TMEM132C: variants seen among roughly 807,000 people sequenced by gnomAD.
TMEM132C encodes the protein protein phosphatase 1, regulatory subunit 152.
A neutral mutation model predicts 61.4 loss-of-function variants in TMEM132C; 29 were observed. The observed-to-expected ratio is 0.47, with a 90% confidence interval of 0.35 to 0.64. The LOEUF (loss-of-function observed/expected upper bound fraction) is 0.64, where lower values mean the gene tolerates loss of function less well. TMEM132C is among the 30% of genes least tolerant of loss of function. The pLI is 0.00. For synonymous variants in TMEM132C, 656 were observed against 633.1 expected, an observed-to-expected ratio of 1.04 and a Z score of -0.54; for missense variants, 1,408 against 1,476.9, an observed-to-expected ratio of 0.95 and a Z score of 0.76.
intron 4 of TMEM132C, among the ~76,000 whole-genome samples, chr12:128,662,584 G>A (rs1273450520): frequency 1.3e-5 from 2 of 152,110 alleles, no homozygotes; most frequent in African/African-American, 4.8e-5. Context: ...AATCATGTAT[G>A]GGCTATGTCC....
intron 4 of TMEM132C, among the ~76,000 whole-genome samples, chr12:128,628,941 A>C (rs1173580191): frequency 6.6e-6 from 1 of 152,242 alleles, no homozygotes; most frequent in African/African-American, 2.4e-5. Context: ...TAATTATGTC[A>C]TCATTTGAAA....
intron 2 of TMEM132C, among the ~76,000 whole-genome samples, chr12:128,470,993 A>T (rs1870931486): frequency 6.6e-6 from 1 of 152,182 alleles, no homozygotes; most frequent in African/African-American, 2.4e-5. Context: ...GTTGCAAGAA[A>T]TCTTTGAATC....
At chr12:128,692,280 A>G (rs1404925492) in intron 5 of TMEM132C, among the ~76,000 whole-genome samples, 5 of 152,296 alleles carry the variant, frequency 3.3e-5, no homozygotes, top group South Asian at 2.1e-4. Context: ...CTATCCATCT[A>G]TCCTTCCATC....
chr12:128,466,050 A>AC (rs945747870), intron 2 of TMEM132C, among the ~76,000 whole-genome samples: 15 of 152,298 alleles, frequency 9.8e-5, no homozygotes, highest in African/African-American at 3.6e-4. Flanking sequence ...TGCCAAAAAA[A>AC]CCCATATAGA....
intron 3 of TMEM132C, among the ~76,000 whole-genome samples, chr12:128,555,712 C>CT (rs1366121376): frequency 0.028 from 3,882 of 140,386 alleles, 134 homozygotes; most frequent in African/African-American, 0.081. Context: ...TGTTGCCTAA[C>CT]TTTTTTTTTT....
In TMEM132C at chr12:128,705,926, T is replaced by C. The variant is rs773379159; in HGVS notation, c.2958T>C (p.Asp986=). Residue 986 remains aspartate (D), a synonymous_variant, in exon 9 of 9, where the codon GAT becomes GAC. Coordinates refer to ENST00000435159, the MANE Select transcript of TMEM132C (RefSeq NM_001136103.3). ...CCGAACTCCTGGAGAGCATGGGGGATGCGCCGCCGCCCCAGGACGAGCACA... is the reference window on the plus strand; with the variant it reads ...CCGAACTCCTGGAGAGCATGGGGGACGCGCCGCCGCCCCAGGACGAGCACA... The part of the protein sequence containing the change: ...NEAELLESMG[D]APPPQDEHTT... 4 of 1,551,352 alleles carry C rather than the reference T, an allele frequency of 2.6e-6. No individual in the cohort carries two copies. The East Asian group carries it at 7.3e-5, about 28-fold the overall frequency.
intron 6 of TMEM132C, among the ~76,000 whole-genome samples, chr12:128,694,377 G>A (rs1954741543): frequency 6.6e-6 from 1 of 152,150 alleles, no homozygotes; most frequent in African/African-American, 2.4e-5. Context: ...CCTTTCCTGT[G>A]CTTTATGCAT....
At chr12:128,295,062 T>C (rs896131086) in intron 1 of TMEM132C, among the ~76,000 whole-genome samples, 15 of 141,364 alleles carry the variant, frequency 1.1e-4, no homozygotes, top group African/African-American at 3.7e-4. Context: ...AATTAAAAAA[T>C]TGAGAAAGAA....
chr12:128,705,136 C>T lies in TMEM132C; in HGVS notation c.2168C>T (p.Thr723Met), dbSNP rs753837106. Residue 723 changes from threonine (T) to methionine (M), a missense_variant, in exon 9 of 9, where the codon ACG becomes ATG. Physicochemically the swap from Thr to Met is moderately conservative, Grantham distance 81. Coordinates refer to ENST00000435159, the MANE Select transcript of TMEM132C (RefSeq NM_001136103.3). Reference sequence around the variant, plus strand: ...CTGCAGTTCAGTGATGGCTCTGTGACGCCCCTGGACATCTACGACACCAAG... The same window carrying T: ...CTGCAGTTCAGTGATGGCTCTGTGATGCCCCTGGACATCTACGACACCAAG... ...TWLQFSDGSV[T>M]PLDIYDTKDF... 1.0e-4 allele frequency: 156 copies of T among 1,550,188 alleles called. No individual in the cohort carries two copies. The highest frequency in any genetic ancestry group is 3.3e-4 in the Middle Eastern group (2 of 5,990).
chr12:128,341,423 C>T (rs1872974652), intron 1 of TMEM132C, among the ~76,000 whole-genome samples: 1 of 152,160 alleles, frequency 6.6e-6, no homozygotes, highest in Non-Finnish European at 1.5e-5. Flanking sequence ...CATTGCTAAT[C>T]ATTTATCTCC....
intron 1 of TMEM132C, among the ~76,000 whole-genome samples, chr12:128,367,430 GGT>G (rs1873903390): frequency 1.3e-5 from 2 of 152,156 alleles, no homozygotes; most frequent in Admixed American, 1.3e-4. Context: ...GCTTCACCTA[GGT>G]GACAATGCTA....
chr12:128,473,586 CT>C (rs1160548232), intron 2 of TMEM132C, among the ~76,000 whole-genome samples: 6 of 144,110 alleles, frequency 4.2e-5, no homozygotes, highest in African/African-American at 8.8e-5. Context: ...CTATTTTCAT[CT>C]TCACTCCAGC....
intron 2 of TMEM132C, among the ~76,000 whole-genome samples, chr12:128,436,453 G>GA (rs1245277469): frequency 1.3e-5 from 2 of 152,050 alleles, no homozygotes; most frequent in African/African-American, 2.4e-5. Context: ...AAATTTACAA[G>GA]AAAAAATCAA....
chr12:128,478,361 G>A (rs1164259769), intron 2 of TMEM132C, among the ~76,000 whole-genome samples: 1 of 152,050 alleles, frequency 6.6e-6, no homozygotes, highest in African/African-American at 2.4e-5. Flanking sequence ...TGGCAAACTA[G>A]CAAAGGCTCA....
At chr12:128,577,053 A>G (rs1003845328) in intron 3 of TMEM132C, among the ~76,000 whole-genome samples, 3 of 151,886 alleles carry the variant, frequency 2.0e-5, no homozygotes, top group Non-Finnish European at 2.9e-5. Context: ...TCAAAAGGCA[A>G]CCCCATATCC....
At chr12:128,696,863 T>A (rs1210064836) in intron 7 of TMEM132C, among the ~76,000 whole-genome samples, 1 of 152,224 alleles carries the variant, frequency 6.6e-6, no homozygotes, top group Non-Finnish European at 1.5e-5. Flanking sequence ...TTTATAAATT[T>A]ATAATTCAAT....
intron 1 of TMEM132C, among the ~76,000 whole-genome samples, chr12:128,335,026 T>A (rs1418830031): frequency 6.6e-6 from 1 of 152,252 alleles, no homozygotes; most frequent in Non-Finnish European, 1.5e-5. Flanking sequence ...TGATTTTTTT[T>A]AAGCTGAGAG....
chr12:128,619,110 T>G (rs1876907895), intron 4 of TMEM132C, among the ~76,000 whole-genome samples: 1 of 152,218 alleles, frequency 6.6e-6, no homozygotes, highest in Admixed American at 6.5e-5. Context: ...TAAAAAAAAT[T>G]ACTGAGCACA....
At chr12:128,279,313 C>G (rs1214530466) in intron 1 of TMEM132C, among the ~76,000 whole-genome samples, 1 of 152,108 alleles carries the variant, frequency 6.6e-6, no homozygotes, top group African/African-American at 2.4e-5. Flanking sequence ...ACTGCTAATC[C>G]TCTAGAGACA....
Sources: gnomAD v4.1 joint callset for allele counts (sites outside exome capture counted in the v4.1 genomes callset) on GRCh38, gnomAD v4.1.1 for gene constraint, MANE v1.5 for transcripts, NCBI Gene and HGNC (gene_info 2026-07-23, HGNC 2026-07-21) for gene names.